The following ATG10 variants were observed in gnomAD, a reference collection of about 807,000 sequenced individuals.
ATG10 encodes the protein autophagy related 10, also known as ubiquitin-like-conjugating enzyme ATG10.
In ATG10, 30 loss-of-function variants were observed where a neutral mutation model predicts 32.1. The observed-to-expected ratio is 0.94, with a 90% CI of 0.70 to 1.27. ATG10 has a LOEUF of 1.27. Among genes scored for constraint, ATG10 ranks in the 50% most tolerant of loss-of-function variants. The probability of loss-of-function intolerance (pLI) is 0.00; values close to 1 mark genes in which losing one functional copy is unlikely to be tolerated. For missense variants in ATG10, 233 were observed against 262.3 expected (o/e 0.89, Z 0.77); for synonymous variants, 87 against 91.5 (o/e 0.95, Z 0.28).
intron 2 of ATG10, among the ~76,000 whole-genome samples, chr5:82,016,846 G>A (rs1023441186): frequency 4.6e-5 from 7 of 151,838 alleles, no homozygotes; most frequent in African/African-American, 1.5e-4. Flanking sequence ...CTGCCACCAC[G>A]CCTGGCTAAT....
intron 3 of ATG10, among the ~76,000 whole-genome samples, chr5:82,163,276 A>G (rs1487110765): frequency 6.6e-6 from 1 of 152,064 alleles, no homozygotes; most frequent in Non-Finnish European, 1.5e-5. Flanking sequence ...TGTTTAATTG[A>G]TGGTGTTTAC....
intron 3 of ATG10, among the ~76,000 whole-genome samples, chr5:82,145,672 T>A (rs1767322122): frequency 6.6e-6 from 1 of 152,070 alleles, no homozygotes; most frequent in Non-Finnish European, 1.5e-5. Flanking sequence ...CTTAAAACTG[T>A]CACATGCATT....
intron 5 of ATG10, among the ~76,000 whole-genome samples, chr5:82,211,415 G>A (rs151155912): frequency 7.0e-4 from 106 of 152,268 alleles, no homozygotes; most frequent in African/African-American, 2.4e-3. Flanking sequence ...GTACTTATAT[G>A]TATTCCTGTC....
intron 5 of ATG10, among the ~76,000 whole-genome samples, chr5:82,240,888 C>T (rs1459325641): frequency 2.0e-5 from 3 of 151,468 alleles, no homozygotes; most frequent in Non-Finnish European, 2.9e-5. Context: ...TCATCATGAA[C>T]AAAATTTAAA....
chr5:82,221,032 CA>C (rs1322262741), intron 5 of ATG10, among the ~76,000 whole-genome samples: 2 of 152,212 alleles, frequency 1.3e-5, no homozygotes, highest in African/African-American at 4.8e-5. Context: ...GCTGGGATGA[CA>C]GGCATGAGCC....
chr5:82,047,449 T>G (rs1279347584), intron 2 of ATG10, among the ~76,000 whole-genome samples: 1 of 152,252 alleles, frequency 6.6e-6, no homozygotes, highest in Admixed American at 6.5e-5. Flanking sequence ...AACTTACTTT[T>G]GATGCTTTGG....
chr5:82,233,342 T>A (rs998353544), intron 5 of ATG10, among the ~76,000 whole-genome samples: 13 of 152,226 alleles, frequency 8.5e-5, no homozygotes, highest in African/African-American at 2.9e-4. Context: ...TTCAACACAT[T>A]TCTTCCTTTA....
intron 2 of ATG10, among the ~76,000 whole-genome samples, chr5:81,997,832 C>G (rs957301623): frequency 1.3e-5 from 2 of 151,874 alleles, no homozygotes; most frequent in African/African-American, 2.4e-5. Flanking sequence ...ATTAGATAAA[C>G]AAAACAAAAC....
chr5:82,131,056 A>G (rs1766498764), intron 3 of ATG10, among the ~76,000 whole-genome samples: 1 of 152,038 alleles, frequency 6.6e-6, no homozygotes, highest in Admixed American at 6.6e-5. Flanking sequence ...GGCACAATAG[A>G]CACTATGGAC....
intron 2 of ATG10, among the ~76,000 whole-genome samples, chr5:82,040,670 G>T (rs2149726927): frequency 6.6e-6 from 1 of 152,222 alleles, no homozygotes; most frequent in Non-Finnish European, 1.5e-5. Context: ...GTTTAATCAG[G>T]CTTCTCTTTG....
At chr5:82,206,386 A>G (rs1283306449) in intron 5 of ATG10, among the ~76,000 whole-genome samples, 3 of 152,046 alleles carry the variant, frequency 2.0e-5, no homozygotes, top group Admixed American at 2.0e-4. Context: ...GGTGGCTCAC[A>G]CCTGTAATCC....
At chr5:82,196,115 G>C (rs1282653044) in intron 5 of ATG10, among the ~76,000 whole-genome samples, 1 of 152,128 alleles carries the variant, frequency 6.6e-6, no homozygotes, top group Non-Finnish European at 1.5e-5. Context: ...TTGTGGTTTT[G>C]ATTTGCACTT....
intron 2 of ATG10, among the ~76,000 whole-genome samples, chr5:82,003,381 T>C (rs1261725086): frequency 6.6e-6 from 1 of 152,076 alleles, no homozygotes; most frequent in African/African-American, 2.4e-5. Flanking sequence ...TGACTCCAGG[T>C]CTGAGGGAAG....
chr5:82,184,856 C>G (rs946821027), intron 5 of ATG10, among the ~76,000 whole-genome samples: 1 of 152,148 alleles, frequency 6.6e-6, no homozygotes, highest in African/African-American at 2.4e-5. Context: ...CCTACTACAC[C>G]TCACTCTTTT....
intron 3 of ATG10, among the ~76,000 whole-genome samples, chr5:82,106,627 C>T (rs999617389): frequency 6.6e-6 from 1 of 151,932 alleles, no homozygotes; most frequent in Admixed American, 6.6e-5. Context: ...GAAAGGACAC[C>T]AATCTTTAAC....
chr5:82,227,741 G>A (rs1746191443), intron 5 of ATG10, among the ~76,000 whole-genome samples: 1 of 152,152 alleles, frequency 6.6e-6, no homozygotes, highest in Non-Finnish European at 1.5e-5. Context: ...TTGTGTCAGA[G>A]GTCTGTGCAT....
At chr5:82,187,968 A>G (rs747391130) in intron 5 of ATG10, among the ~76,000 whole-genome samples, 1 of 152,186 alleles carries the variant, frequency 6.6e-6, no homozygotes, top group Non-Finnish European at 1.5e-5. Flanking sequence ...ATTGAATGCT[A>G]TTTAGGCATT....
At chr5:82,029,214 A>G (rs899352211) in intron 2 of ATG10, among the ~76,000 whole-genome samples, 8 of 152,248 alleles carry the variant, frequency 5.3e-5, no homozygotes, top group Non-Finnish European at 1.2e-4. Context: ...AGGCATTTCC[A>G]TCATTTGGAG....
chr5:82,213,146 C>G (rs1745555840), intron 5 of ATG10, among the ~76,000 whole-genome samples: 2 of 152,136 alleles, frequency 1.3e-5, no homozygotes, highest in Non-Finnish European at 2.9e-5. Flanking sequence ...TAGTCCTGAA[C>G]TTTTTGCGTC....
Sources: allele counts gnomAD v4.1 joint callset (sites outside exome capture counted in the v4.1 genomes callset), GRCh38; gene constraint gnomAD v4.1.1; transcripts MANE v1.5; gene names NCBI Gene and HGNC (gene_info 2026-07-23, HGNC 2026-07-21).